Variants in CHST15 observed in about 807,000 individuals in gnomAD.
CHST15 encodes B cell RAG associated protein (GALNAC4S-6ST).
A neutral mutation model predicts 53.6 loss-of-function variants in CHST15; 30 were observed. The observed-to-expected ratio is 0.56, with a 90% CI of 0.42 to 0.76. The LOEUF (loss-of-function observed/expected upper bound fraction) is 0.76, where lower values mean the gene tolerates loss of function less well. Ranked by LOEUF, CHST15 falls within the 30% of genes least tolerant of loss-of-function variation. CHST15 has a pLI of 0.00. For synonymous variants in CHST15, 296 were observed against 289.8 expected (o/e 1.02, Z -0.22); for missense variants, 627 against 740.5 (o/e 0.85, Z 1.78).
chr10:124,020,465 C>A, intron 6 of CHST15: 1 of 985,534 alleles, frequency 1.0e-6, no homozygotes, highest in Non-Finnish European at 1.2e-6. Context: ...TGCTGCCTCC[C>A]AGATCCCACG....
rs2133950104 is a variant in CHST15 at position 124,036,150 on chromosome 10, A to T, written c.1190+2365T>A. Among the ~76,000 whole-genome samples the T allele has an allele frequency of 6.6e-6, 1 of 152,202 alleles. No individual in the cohort carries two copies. Among genetic ancestry groups the T allele is most frequent in the South Asian group, 2.1e-4 (1 of 4,818 alleles). ...CAGCTGGGGGCCGTGTCGGGGAGGGAGGCAGAGCAGCTATGCAAACACCTC... is the reference window on the plus strand; with the variant it reads ...CAGCTGGGGGCCGTGTCGGGGAGGGTGGCAGAGCAGCTATGCAAACACCTC... On this transcript the variant is annotated intron_variant, in intron 5 of 7. Transcript: ENST00000435907. The surrounding 1 kb of genome is among the most constrained non-coding windows in gnomAD (Gnocchi z 5.1).
In CHST15 at chr10:124,009,041, C is replaced by A; in HGVS notation, c.*1108G>T. The A allele has an allele frequency of 7.8e-7, 1 of 1,288,828 alleles. No individual in the cohort carries two copies. The highest frequency in any genetic ancestry group is 5.5e-5 in the East Asian group (1 of 18,028). 79.8% of individuals were successfully genotyped at this position (1,288,828 alleles called of 1,614,324 possible). On this transcript the variant is annotated 3_prime_UTR_variant, in exon 8 of 8. Coordinates refer to ENST00000435907, the MANE Select transcript of CHST15 (RefSeq NM_001270764.2). ...TGTTTTGGAATTGGGACACGAGTAT[C>A]TATAGTCCCTTGCTGGGTGAGGAAC...
At chr10:124,017,475 G>A (rs567775410) in intron 6 of CHST15, among the ~76,000 whole-genome samples, 16 of 151,920 alleles carry the variant, frequency 1.1e-4, no homozygotes, top group Non-Finnish European at 1.6e-4. Flanking sequence ...AGTCACGCAG[G>A]ATCACCAAGA....
chr10:124,027,699 T>C (rs1260676688), intron 5 of CHST15, among the ~76,000 whole-genome samples: 1 of 152,154 alleles, frequency 6.6e-6, no homozygotes, highest in Non-Finnish European at 1.5e-5. Flanking sequence ...GCGTCTATCT[T>C]CACAACCCCA....
At chr10:124,018,168 A>C (rs1184123857) in intron 6 of CHST15, among the ~76,000 whole-genome samples, 1 of 152,168 alleles carries the variant, frequency 6.6e-6, no homozygotes, top group Non-Finnish European at 1.5e-5. Context: ...TTCCCTCAAG[A>C]TTCATTCCTG....
In CHST15 at chr10:124,065,650, C is replaced by T. The variant is rs537224960; in HGVS notation, c.-512-18926G>A. On this transcript the variant is annotated intron_variant, in intron 1 of 7. Transcript: ENST00000435907. ...AAGGGTGATTCTGCGGGCCCCATTA[C>T]GGCAGCTCATTCCCACCAACCTCAA... Among the ~76,000 whole-genome samples the T allele has an allele frequency of 2.6e-5, 4 of 152,298 alleles. No individual in the cohort carries two copies. The South Asian group carries it at 6.2e-4, about 24-fold the overall frequency.
At chr10:124,029,063 A>G (rs1947119863) in intron 5 of CHST15, among the ~76,000 whole-genome samples, 1 of 152,270 alleles carries the variant, frequency 6.6e-6, no homozygotes, top group African/African-American at 2.4e-5. Context: ...AGAGGGAGCC[A>G]GGGCACCTGG....
intron 4 of CHST15, among the ~76,000 whole-genome samples, chr10:124,039,094 G>A (rs945059526): frequency 6.6e-6 from 1 of 152,150 alleles, no homozygotes; most frequent in Admixed American, 6.5e-5. Context: ...AACATAAACA[G>A]CAGTTATCTA....
At chr10:124,040,912 C>T (rs1278977329) in intron 4 of CHST15, among the ~76,000 whole-genome samples, 1 of 152,218 alleles carries the variant, frequency 6.6e-6, no homozygotes, top group Non-Finnish European at 1.5e-5. Context: ...CTTTTTCATT[C>T]ATTATCTTAG....
chr10:124,037,868 G>A (rs943585589), intron 5 of CHST15, among the ~76,000 whole-genome samples: 6 of 152,162 alleles, frequency 3.9e-5, no homozygotes, highest in Admixed American at 6.5e-5. Flanking sequence ...GTTAAACCAC[G>A]TGGAGAAGCT....
At chr10:124,040,202 T>C (rs1000925649) in intron 4 of CHST15, among the ~76,000 whole-genome samples, 5 of 152,202 alleles carry the variant, frequency 3.3e-5, no homozygotes, top group African/African-American at 4.8e-5. Flanking sequence ...CGTTTGTCCA[T>C]CCACCTGACT....
intron 1 of CHST15, among the ~76,000 whole-genome samples, chr10:124,082,533 A>G (rs1949278862): frequency 6.6e-6 from 1 of 151,930 alleles, no homozygotes; most frequent in African/African-American, 2.4e-5. Flanking sequence ...AATGAATCTT[A>G]TTATTAGAAG....
At chr10:124,033,859 GT>G (rs1947319793) in intron 5 of CHST15, among the ~76,000 whole-genome samples, 1 of 152,234 alleles carries the variant, frequency 6.6e-6, no homozygotes, top group Non-Finnish European at 1.5e-5. Flanking sequence ...GAGACCTTAA[GT>G]AGAGGACCCA....
chr10:124,069,708 G>A (rs1948854615), intron 1 of CHST15, among the ~76,000 whole-genome samples: 1 of 152,192 alleles, frequency 6.6e-6, no homozygotes, highest in Non-Finnish European at 1.5e-5. Context: ...GCTCCTCCAT[G>A]AGCCCCTGCC....
intron 1 of CHST15, among the ~76,000 whole-genome samples, chr10:124,083,052 G>T (rs1000393727): frequency 1.3e-5 from 2 of 152,304 alleles, no homozygotes; most frequent in African/African-American, 4.8e-5. Flanking sequence ...AAAAAACATG[G>T]AATTGTATAC....
chr10:124,078,813 T>C (rs948003587), intron 1 of CHST15, among the ~76,000 whole-genome samples: 1 of 152,232 alleles, frequency 6.6e-6, no homozygotes, highest in African/African-American at 2.4e-5. Flanking sequence ...GTTAATGCTA[T>C]TGTACCAGTG....
chr10:124,058,611 G>A (rs1036036633), intron 1 of CHST15, among the ~76,000 whole-genome samples: 5 of 152,304 alleles, frequency 3.3e-5, no homozygotes, highest in African/African-American at 1.2e-4. Flanking sequence ...AGTGGAGCAC[G>A]GTCAGCCATC....
At chr10:124,082,964 G>A in intron 1 of CHST15, among the ~76,000 whole-genome samples, 1 of 152,284 alleles carries the variant, frequency 6.6e-6, no homozygotes, top group East Asian at 1.9e-4. Flanking sequence ...TAGCTAAGGT[G>A]TACAAGATGT....
chr10:124,017,713 C>T (rs2133844451), intron 6 of CHST15, among the ~76,000 whole-genome samples: 1 of 152,280 alleles, frequency 6.6e-6, no homozygotes, highest in African/African-American at 2.4e-5. Context: ...AGATTTGGGT[C>T]CTAGATCCTC....
Sources: gnomAD v4.1 joint callset for allele counts (sites outside exome capture counted in the v4.1 genomes callset) on GRCh38, gnomAD v4.1.1 for gene constraint, Gnocchi (gnomAD v3.1) non-coding constraint, MANE v1.5 for transcripts, NCBI Gene and HGNC (gene_info 2026-07-23, HGNC 2026-07-21) for gene names.